The following SLC35F3 variants were observed in gnomAD, a reference collection of about 807,000 sequenced individuals.
The protein encoded by SLC35F3 is putative thiamine transporter SLC35F3.
Under a neutral mutation model 49.9 loss-of-function variants are expected in SLC35F3, and 25 were observed. That is an observed-to-expected ratio of 0.50 (90% confidence interval 0.37 to 0.70). The LOEUF is 0.70. SLC35F3 is among the 30% of genes least tolerant of loss of function. The probability of loss-of-function intolerance (pLI) is 0.00; values close to 1 mark genes in which losing one functional copy is unlikely to be tolerated. For missense variants in SLC35F3, 525 were observed against 639.8 expected, an observed-to-expected ratio of 0.82 and a Z score of 1.94; for synonymous variants, 275 against 265.4, an observed-to-expected ratio of 1.04 and a Z score of -0.35.
intron 2 of SLC35F3, among the ~76,000 whole-genome samples, chr1:234,139,215 A>G (rs1473694728): frequency 1.3e-5 from 2 of 152,206 alleles, no homozygotes; most frequent in African/African-American, 4.8e-5. Context: ...TGGTCACAAG[A>G]CTAAACTCTA....
chr1:234,013,874 GCTT>G (rs1184515597), intron 2 of SLC35F3, among the ~76,000 whole-genome samples: 2 of 150,224 alleles, frequency 1.3e-5, no homozygotes, highest in African/African-American at 4.9e-5. Context: ...AGAGCCCAGA[GCTT>G]CACTGCTACT....
chr1:234,235,563 T>A (rs917117659), intron 3 of SLC35F3, among the ~76,000 whole-genome samples: 1 of 152,234 alleles, frequency 6.6e-6, no homozygotes, highest in African/African-American at 2.4e-5. Context: ...CTGGAGCAGA[T>A]CTGGGGCATT....
At chr1:233,941,964 T>TG (rs869166178) in intron 2 of SLC35F3, among the ~76,000 whole-genome samples, 1 of 41,714 alleles carries the variant, frequency 2.4e-5, no homozygotes, top group Non-Finnish European at 4.2e-5. Flanking sequence ...GTTTTTTTGT[T>TG]TTTTTTTTTT....
intron 2 of SLC35F3, among the ~76,000 whole-genome samples, chr1:234,005,279 T>A (rs1042433247): frequency 6.6e-6 from 1 of 152,184 alleles, no homozygotes. Flanking sequence ...GCAATTATTT[T>A]TTCCTTAATT....
intron 2 of SLC35F3, among the ~76,000 whole-genome samples, chr1:234,114,150 G>A (rs572278631): frequency 1.3e-5 from 2 of 152,316 alleles, no homozygotes; most frequent in African/African-American, 4.8e-5. Flanking sequence ...GAGCCAGTAT[G>A]AGTTGGCTCC....
chr1:234,071,237 T>C (rs1436954109), intron 2 of SLC35F3, among the ~76,000 whole-genome samples: 1 of 152,166 alleles, frequency 6.6e-6, no homozygotes, highest in Non-Finnish European at 1.5e-5. Context: ...GTCAAATGCT[T>C]TCTTTATTTC....
intron 3 of SLC35F3, among the ~76,000 whole-genome samples, chr1:234,286,542 G>A (rs374783865): frequency 1.3e-5 from 2 of 152,200 alleles, no homozygotes; most frequent in South Asian, 2.1e-4. Flanking sequence ...TTGAATTAAG[G>A]ATATGACAGC....
chr1:234,312,129 T>G (rs976487443), intron 4 of SLC35F3, among the ~76,000 whole-genome samples: 4 of 151,716 alleles, frequency 2.6e-5, no homozygotes, highest in African/African-American at 4.8e-5. Flanking sequence ...AAAGCAAGAG[T>G]AGGATGAGAG....
rs879324347 is a variant in SLC35F3, at chr1:234,273,988, T to TA, written c.609-35104dup. 3.0e-3 allele frequency among the ~76,000 whole-genome samples: 447 copies of TA among 151,384 alleles called. 2 individuals are homozygous for TA. The highest frequency in any genetic ancestry group is 9.7e-3 in the African/African-American group (399 of 41,290). ...GCCACATGCTGGATAGTGTTTTGGT[T>TA]AAAAAAAAACCATCACATGCATTGA... On this transcript the variant is annotated intron_variant, in intron 3 of 7. Coordinates refer to ENST00000366618, the MANE Select transcript of SLC35F3 (RefSeq NM_173508.4).
At chr1:234,174,499 G>A (rs1465804489) in intron 2 of SLC35F3, among the ~76,000 whole-genome samples, 2 of 152,108 alleles carry the variant, frequency 1.3e-5, no homozygotes, top group Admixed American at 6.5e-5. Context: ...ACTTAATCCC[G>A]CCCTGTCTCT....
chr1:233,962,427 A>G lies in SLC35F3; in HGVS notation c.283+56669A>G, dbSNP rs548097267. 3.3e-5 allele frequency among the ~76,000 whole-genome samples: 5 copies of G among 152,356 alleles called. No homozygotes were observed. The South Asian group carries it at 1.0e-3, about 32-fold the overall frequency. ...ATTGGGATAAGCATCAGTGTGCATG[A>G]ATCTCCGTGCACACATTTAACATTT... is the stretch of plus-strand genomic sequence containing the variant. On this transcript the variant is annotated intron_variant, in intron 2 of 7. Transcript: ENST00000366618.
At chr1:234,067,157 A>ATT (rs71170450) in intron 2 of SLC35F3, among the ~76,000 whole-genome samples, 2 of 151,566 alleles carry the variant, frequency 1.3e-5, no homozygotes, top group Non-Finnish European at 2.9e-5. Context: ...GGCAATTGTG[A>ATT]TTTTTTTTTC....
intron 3 of SLC35F3, among the ~76,000 whole-genome samples, chr1:234,262,253 G>C (rs1009226377): frequency 6.6e-6 from 1 of 152,214 alleles, no homozygotes; most frequent in Non-Finnish European, 1.5e-5. Flanking sequence ...GGACTAGCAG[G>C]GGGAGAGCCC....
At chr1:234,025,144 A>G (rs958608172) in intron 2 of SLC35F3, among the ~76,000 whole-genome samples, 7 of 152,228 alleles carry the variant, frequency 4.6e-5, no homozygotes, top group Non-Finnish European at 8.8e-5. Context: ...TGCAAAGTAC[A>G]TGATTTTGTT....
rs1165253943 is a variant in SLC35F3 at position 234,324,496 on chromosome 1, A to C, written c.*1253A>C. On this transcript the variant is annotated 3_prime_UTR_variant, in exon 8 of 8. Coordinates refer to ENST00000366618, the MANE Select transcript of SLC35F3 (RefSeq NM_173508.4). ...CCTGTTTGGCCAAACAGATTAATAA[A>C]ATATTTGAAAAAGAAGCGTTCAGTG... 6.6e-6 allele frequency: 1 copy of C among 152,128 alleles called. No homozygotes were observed. Among genetic ancestry groups the C allele is most frequent in the Non-Finnish European group, 1.5e-5 (1 of 68,020 alleles). The allele number at this position is 152,128 out of a possible 1,614,324, so 9.4% of individuals were successfully genotyped here.
intron 3 of SLC35F3, among the ~76,000 whole-genome samples, chr1:234,239,635 A>G (rs1481064641): frequency 3.3e-5 from 5 of 152,250 alleles, no homozygotes; most frequent in Non-Finnish European, 7.3e-5. Flanking sequence ...CAGAAATACT[A>G]CTAGGAAAGA....
At chr1:234,079,201 G>A (rs942064374) in intron 2 of SLC35F3, among the ~76,000 whole-genome samples, 1 of 152,178 alleles carries the variant, frequency 6.6e-6, no homozygotes, top group Non-Finnish European at 1.5e-5. Flanking sequence ...TTCAACAAGG[G>A]TACCAAGACT....
intron 2 of SLC35F3, among the ~76,000 whole-genome samples, chr1:234,181,299 G>T (rs1395892504): frequency 7.2e-6 from 1 of 138,106 alleles, no homozygotes; most frequent in Non-Finnish European, 1.5e-5. Context: ...TTGTGTCACT[G>T]CACTCCAGTC....
intron 2 of SLC35F3, among the ~76,000 whole-genome samples, chr1:234,155,393 C>CTGATGATGA (rs141313348): frequency 3.0e-5 from 3 of 99,574 alleles, no homozygotes; most frequent in African/African-American, 1.5e-4. Flanking sequence ...TGCTATTCAC[C>CTGATGATGA]TGATTATTAT....
Sources: gnomAD v4.1 joint callset for allele counts (sites outside exome capture counted in the v4.1 genomes callset) on GRCh38, gnomAD v4.1.1 for gene constraint, MANE v1.5 for transcripts, NCBI Gene and HGNC (gene_info 2026-07-23, HGNC 2026-07-21) for gene names.